RALGPS1: variants seen among roughly 807,000 people sequenced by gnomAD.
The protein encoded by RALGPS1 is ras-specific guanine nucleotide-releasing factor RalGPS1.
A neutral mutation model predicts 78.8 loss-of-function variants in RALGPS1; 19 were observed. The ratio of observed to expected loss-of-function variants is 0.24; its 90% CI spans 0.17 to 0.35. RALGPS1 has a LOEUF of 0.35. Among genes scored for constraint, RALGPS1 ranks in the 10% least tolerant of loss-of-function variants. The pLI is 1.00. For missense variants in RALGPS1, 454 were observed against 688.3 expected, an observed-to-expected ratio of 0.66 and a Z score of 3.81; for synonymous variants, 228 against 256.3, an observed-to-expected ratio of 0.89 and a Z score of 1.06.
In RALGPS1 at chr9:127,123,132, C is replaced by T. The variant is rs554704839; in HGVS notation, c.611-42937C>T. 2.2e-4 allele frequency among the ~76,000 whole-genome samples: 33 copies of T among 152,370 alleles called. 1 individual carries two copies. The highest frequency in any genetic ancestry group is 4.1e-4 in the South Asian group (2 of 4,832). The stretch of plus-strand genomic sequence containing the variant: ...GCGGGCGGGGCAGCTCAGCCCAGAG[C>T]GCCTCTCCCCATCAGCCGCCCTTCG... On this transcript the variant is annotated intron_variant, in intron 8 of 18. Transcript: ENST00000259351.
At position 127,050,028 on chromosome 9, in the gene RALGPS1, T is replaced by C; in HGVS notation, c.301-15T>C. On this transcript the variant is annotated splice_polypyrimidine_tract_variant and intron_variant, in intron 5 of 18. Transcript: ENST00000259351. ...TGGTGTGTATGTGTGTATGTGTGTGTATTTGACTCTACAGGTCAGTTTTTG... is the reference window on the plus strand; with the variant it reads ...TGGTGTGTATGTGTGTATGTGTGTGCATTTGACTCTACAGGTCAGTTTTTG... 8 of 1,587,788 alleles carry C rather than the reference T, an allele frequency of 5.0e-6. No homozygotes were observed. The highest frequency in any genetic ancestry group is 1.1e-5 in the South Asian group (1 of 90,520).
intron 1 of RALGPS1, among the ~76,000 whole-genome samples, chr9:126,936,063 C>G (rs909523693): frequency 5.9e-5 from 9 of 152,238 alleles, no homozygotes; most frequent in Admixed American, 6.5e-5. Flanking sequence ...TTCCATTCCT[C>G]TTAGGAAGAC....
At chr9:127,164,418 A>G (rs1281342834) in intron 8 of RALGPS1, among the ~76,000 whole-genome samples, 2 of 150,838 alleles carry the variant, frequency 1.3e-5, no homozygotes, top group African/African-American at 4.9e-5. Context: ...TGTTTTTGGT[A>G]GAGATTGGCT....
intron 4 of RALGPS1, chr9:126,990,024 A>T (rs530169703): frequency 1.2e-5 from 19 of 1,549,254 alleles, no homozygotes; most frequent in Non-Finnish European, 1.5e-5. Context: ...TTTTGTCTGG[A>T]TGCCGTTTGC....
At chr9:127,115,852 C>A (rs1458411294) in intron 8 of RALGPS1, among the ~76,000 whole-genome samples, 1 of 152,224 alleles carries the variant, frequency 6.6e-6, no homozygotes. Flanking sequence ...CTTGGAGAAC[C>A]TGGTGAAAGG....
Position 127,212,513 on chromosome 9 carries a change from G to T in RALGPS1, c.1354-114G>T. The T allele has an allele frequency of 1.3e-6, 1 of 756,480 alleles. No individual in the cohort carries two copies. Among genetic ancestry groups the T allele is most frequent in the South Asian group, 1.8e-5 (1 of 54,168 alleles). 46.9% of individuals were successfully genotyped at this position (756,480 alleles called of 1,614,324 possible). A position where few individuals can be genotyped will look rare whatever the true frequency, so the allele number is the denominator to read the frequency against. ...TTGCCAGGGGGTGGTGGAGGGCCAG[G>T]GAAGAGATGGGGCCTGCACTGGCAT... On this transcript the variant is annotated intron_variant, in intron 15 of 18. Transcript: ENST00000259351. The surrounding 1 kb of genome is among the most constrained non-coding windows in gnomAD (Gnocchi z 6.0).
chr9:126,932,600 C>T (rs1232884201), intron 1 of RALGPS1, among the ~76,000 whole-genome samples: 3 of 152,056 alleles, frequency 2.0e-5, no homozygotes, highest in South Asian at 2.1e-4. Context: ...TAAAACAATC[C>T]GATGAATTTC....
chr9:127,212,320 T>G lies in RALGPS1; in HGVS notation c.1353+84T>G. On this transcript the variant is annotated intron_variant, in intron 15 of 18. Transcript: ENST00000259351. This position sits in a 1 kb window ranked among gnomAD's most constrained non-coding sequence, Gnocchi z 6.0. ...CCACTCCTAGAGGTCTCAGCAAAAG[T>G]CACATGCATGGCAGAGGCTCTGCTT... 9.5e-7 allele frequency: 1 copy of G among 1,048,820 alleles called. No individual in the cohort carries two copies. Among genetic ancestry groups the G allele is most frequent in the Non-Finnish European group, 1.4e-6 (1 of 721,662 alleles). The allele number at this position is 1,048,820 out of a possible 1,614,324, so 65.0% of individuals were successfully genotyped here.
intron 3 of RALGPS1, among the ~76,000 whole-genome samples, chr9:126,977,005 G>T (rs868040577): frequency 3.3e-5 from 5 of 152,176 alleles, no homozygotes; most frequent in Admixed American, 1.3e-4. Context: ...TGAAGGACTA[G>T]TTTTTTCCAT....
At chr9:127,147,974 TC>T (rs1336758415) in intron 8 of RALGPS1, among the ~76,000 whole-genome samples, 1 of 152,218 alleles carries the variant, frequency 6.6e-6, no homozygotes, top group Non-Finnish European at 1.5e-5. Flanking sequence ...CTTGCCCAAG[TC>T]CTTTAGAACT....
rs774369259 is a variant in RALGPS1 at position 127,168,664 on chromosome 9, G to T, written c.749-15G>T. 2 of 1,582,560 alleles carry T rather than the reference G, an allele frequency of 1.3e-6. No homozygotes were observed. The highest frequency in any genetic ancestry group is 3.3e-5 in the Admixed American group (2 of 59,906). On this transcript the variant is annotated splice_polypyrimidine_tract_variant and intron_variant, in intron 9 of 18. Coordinates refer to ENST00000259351, the MANE Select transcript of RALGPS1 (RefSeq NM_014636.3). ...GGAGAGCCTAAAGTTTCTGGATGTG[G>T]TCCACCTTTTGCAGATCACCTCACC...
At chr9:127,010,757 A>T (rs1015622004) in intron 4 of RALGPS1, among the ~76,000 whole-genome samples, 1 of 152,212 alleles carries the variant, frequency 6.6e-6, no homozygotes. Context: ...CCTCAAAATC[A>T]TCCACGTTAG....
intron 1 of RALGPS1, among the ~76,000 whole-genome samples, chr9:126,936,016 C>T (rs1029839635): frequency 6.6e-6 from 1 of 152,250 alleles, no homozygotes; most frequent in African/African-American, 2.4e-5. Context: ...TGCCTCCCCC[C>T]GTTGTCACCA....
At chr9:127,093,872 A>G in intron 8 of RALGPS1, 1 of 1,614,072 alleles carries the variant, frequency 6.2e-7, no homozygotes, top group Non-Finnish European at 8.5e-7. Flanking sequence ...CACCAGGTAG[A>G]TGGAGCTGGT....
intron 8 of RALGPS1, among the ~76,000 whole-genome samples, chr9:127,132,911 G>A (rs750896040): frequency 1.9e-4 from 29 of 152,190 alleles, no homozygotes; most frequent in Non-Finnish European, 3.8e-4. Context: ...TACTGGTATA[G>A]ACTGTGGGCT....
chr9:127,212,403 T>C lies in RALGPS1; in HGVS notation c.1353+167T>C, dbSNP rs528646544. ...AATTATACCTGACACTGCCGTAAAA[T>C]GAACAAAGGGAAGGCTCCTTGAGTA... is the stretch of plus-strand genomic sequence containing the variant. On this transcript the variant is annotated intron_variant, in intron 15 of 18. Coordinates refer to ENST00000259351, the MANE Select transcript of RALGPS1 (RefSeq NM_014636.3). The surrounding 1 kb of genome is among the most constrained non-coding windows in gnomAD (Gnocchi z 6.0). 1.3e-5 allele frequency among the ~76,000 whole-genome samples: 2 copies of C among 152,056 alleles called. No individual in the cohort carries two copies. The highest frequency in any genetic ancestry group is 2.9e-5 in the Non-Finnish European group (2 of 67,976).
At chr9:126,993,541 T>G (rs2042454521) in intron 4 of RALGPS1, among the ~76,000 whole-genome samples, 1 of 152,152 alleles carries the variant, frequency 6.6e-6, no homozygotes, top group Non-Finnish European at 1.5e-5. Context: ...TTTTTTTTTT[T>G]TTTCTTTTAA....
At chr9:127,179,237 C>G (rs886450228) in intron 11 of RALGPS1, among the ~76,000 whole-genome samples, 3 of 152,190 alleles carry the variant, frequency 2.0e-5, no homozygotes, top group Non-Finnish European at 4.4e-5. Flanking sequence ...ACTAGAGGGT[C>G]GAGGAGTGCC....
intron 7 of RALGPS1, among the ~76,000 whole-genome samples, chr9:127,063,040 AT>A (rs2049357949): frequency 6.6e-6 from 1 of 152,218 alleles, no homozygotes; most frequent in African/African-American, 2.4e-5. Context: ...TTTTGAGCCA[AT>A]TTTAACATAT....
Sources: gnomAD v4.1 joint callset for allele counts (sites outside exome capture counted in the v4.1 genomes callset) on GRCh38, gnomAD v4.1.1 for gene constraint, Gnocchi (gnomAD v3.1) non-coding constraint, MANE v1.5 for transcripts, NCBI Gene and HGNC (gene_info 2026-07-23, HGNC 2026-07-21) for gene names.